Variants in GPSM2 observed in about 807,000 individuals in gnomAD.
GPSM2 encodes the protein G protein-signaling modulator 2.
A neutral mutation model predicts 78.4 loss-of-function variants in GPSM2; 58 were observed. The ratio of observed to expected loss-of-function variants is 0.74; its 90% CI spans 0.60 to 0.92. The LOEUF is 0.92. GPSM2 is among the 40% of genes least tolerant of loss of function. The pLI is 0.00. For synonymous variants in GPSM2, 224 were observed against 280.2 expected (o/e 0.80, Z 2.00); for missense variants, 700 against 815.5 (o/e 0.86, Z 1.73).
In GPSM2 at chr1:108,931,761, T is replaced by C. The variant is rs1652013564; in HGVS notation, c.*1821T>C. 1 of 261,590 alleles carries C rather than the reference T, an allele frequency of 3.8e-6. No homozygotes were observed. Among genetic ancestry groups the C allele is most frequent in the Non-Finnish European group, 7.1e-6 (1 of 141,328 alleles). 16.2% of individuals were successfully genotyped at this position (261,590 alleles called of 1,614,324 possible). A position where few individuals can be genotyped will look rare whatever the true frequency, so the allele number is the denominator to read the frequency against. ...TGGGGTTCTTATAAGAAAATTCAGT[T>C]AAGACAATATACCAAACCACAACGT... On this transcript the variant is annotated 3_prime_UTR_variant, in exon 15 of 15. Transcript: ENST00000264126.
At chr1:108,881,538 A>G (rs1007890541) in intron 1 of GPSM2, among the ~76,000 whole-genome samples, 1 of 152,224 alleles carries the variant, frequency 6.6e-6, no homozygotes, top group Admixed American at 6.5e-5. Flanking sequence ...CATTATTGCT[A>G]AATTGGCTAG....
chr1:108,911,799 A>AT (rs71069618), intron 10 of GPSM2, among the ~76,000 whole-genome samples: 74,960 of 108,564 alleles, frequency 0.69, 26,870 homozygotes, highest in East Asian at 0.93. Flanking sequence ...TGGGAAGACA[A>AT]TTTTTTTTTT....
At chr1:108,923,401 A>G (rs1262139871) in intron 13 of GPSM2, among the ~76,000 whole-genome samples, 2 of 152,234 alleles carry the variant, frequency 1.3e-5, no homozygotes, top group African/African-American at 4.8e-5. Flanking sequence ...ATTATATATA[A>G]AACGTCAATG....
At chr1:108,915,574 G>A (rs1650143766) in intron 11 of GPSM2, among the ~76,000 whole-genome samples, 1 of 150,208 alleles carries the variant, frequency 6.7e-6, no homozygotes, top group African/African-American at 2.4e-5. Context: ...CTGCAGGCGG[G>A]CACCACCACA....
intron 13 of GPSM2, among the ~76,000 whole-genome samples, chr1:108,923,068 A>G (rs1650848698): frequency 6.6e-6 from 1 of 152,184 alleles, no homozygotes; most frequent in Non-Finnish European, 1.5e-5. Context: ...TCTTGCTGTT[A>G]GCCAAGCTGG....
intron 11 of GPSM2, among the ~76,000 whole-genome samples, chr1:108,917,648 ATATATATATAT>A: frequency 3.4e-5 from 1 of 29,102 alleles, no homozygotes; most frequent in East Asian, 6.2e-4. Context: ...ATATATATAT[ATATATATATAT>A]ATATATAAAT....
Position 108,929,740 on chromosome 1 carries a change from G to C in GPSM2, c.1855G>C (p.Ala619Pro). The C allele has an allele frequency of 6.2e-7, 1 of 1,613,122 alleles. No homozygotes were observed. Among genetic ancestry groups the C allele is most frequent in the South Asian group, 1.1e-5 (1 of 91,058 alleles). ...LDDQRCAPPPATTKGPTVPDE... is the reference protein window; with the variant it reads ...LDDQRCAPPPPTTKGPTVPDE... ...TGATCAAAGATGTGCTCCACCACCT[G>C]CTACCACAAAGGGTCCGACAGTACC... The change falls in exon 15 of 15, where the codon GCT becomes CCT. Residue 619 changes from alanine to proline, a missense_variant. By Grantham distance (27) the Ala-to-Pro change is conservative (BLOSUM62 -1). Transcript: ENST00000264126.
chr1:108,895,775 T>C (rs948627227), intron 2 of GPSM2, among the ~76,000 whole-genome samples: 1 of 152,148 alleles, frequency 6.6e-6, no homozygotes, highest in Non-Finnish European at 1.5e-5. Flanking sequence ...ATAAATGTAA[T>C]GCACTTGAAT....
chr1:108,913,524 T>C (rs186656630), intron 10 of GPSM2, among the ~76,000 whole-genome samples: 1 of 152,334 alleles, frequency 6.6e-6, no homozygotes, highest in East Asian at 1.9e-4. Context: ...TACAGTATGA[T>C]ACCATTTATA....
chr1:108,883,443 T>G (rs1020171723), intron 1 of GPSM2, among the ~76,000 whole-genome samples: 1 of 152,176 alleles, frequency 6.6e-6, no homozygotes, highest in Non-Finnish European at 1.5e-5. Flanking sequence ...TTGCTCAAAG[T>G]ATGGAACGAT....
At chr1:108,903,046 A>G in intron 8 of GPSM2, 80 bp from the exon 9 acceptor site, 1 of 812,222 alleles carries the variant, frequency 1.2e-6, no homozygotes, top group Non-Finnish European at 2.1e-6. Context: ...TTATCCCTTT[A>G]GTTCCTGCTA....
chr1:108,914,303 C>T, intron 10 of GPSM2, 35 bp from the exon 11 acceptor site: 6 of 1,430,952 alleles, frequency 4.2e-6, no homozygotes, highest in Non-Finnish European at 4.9e-6. Context: ...TTAAGGGCTC[C>T]CTGGTTTATT....
intron 11 of GPSM2, among the ~76,000 whole-genome samples, chr1:108,917,611 C>CACACACATAT (rs1312607573): frequency 6.6e-4 from 15 of 22,702 alleles, no homozygotes; most frequent in South Asian, 1.2e-3. Context: ...CACACACACA[C>CACACACATAT]ATATATATAT....
chr1:108,922,372 A>G (rs1255853740), intron 12 of GPSM2, 45 bp from the exon 13 acceptor site: 1 of 1,337,848 alleles, frequency 7.5e-7, no homozygotes, highest in South Asian at 1.2e-5. Context: ...TCTAAAGATA[A>G]TACTGGAATA....
chr1:108,924,281 T>C lies in GPSM2; in HGVS notation c.1815+67T>C, dbSNP rs775744090. The C allele has an allele frequency of 4.1e-6, 4 of 974,496 alleles. 1 individual carries two copies. The highest frequency in any genetic ancestry group is 4.1e-4 in the Middle Eastern group (2 of 4,852). The allele number at this position is 974,496 out of a possible 1,614,324, so 60.4% of individuals were successfully genotyped here. On this transcript the variant is annotated intron_variant, in intron 14 of 14. Transcript: ENST00000264126. ...ACCACTGAAAACATTGGTAGTGTTA[T>C]AATTCTCATTCAGGAAGGGCTTATT... is the stretch of plus-strand genomic sequence containing the variant.
chr1:108,931,592 G>T lies in GPSM2; in HGVS notation c.*1652G>T. ...CTCTAATGGCCAATGTTTTTTAAGA[G>T]TCATAACCTGGAATTAATTACATTA... is the stretch of plus-strand genomic sequence containing the variant. On this transcript the variant is annotated 3_prime_UTR_variant, in exon 15 of 15. Coordinates refer to ENST00000264126, the MANE Select transcript of GPSM2 (RefSeq NM_013296.5). 7.7e-7 allele frequency: 1 copy of T among 1,296,866 alleles called. No individual in the cohort carries two copies. Among genetic ancestry groups the T allele is most frequent in the Non-Finnish European group, 1.0e-6 (1 of 987,602 alleles). The allele number at this position is 1,296,866 out of a possible 1,614,324, so 80.3% of individuals were successfully genotyped here.
chr1:108,896,758 C>G (rs536067173), intron 2 of GPSM2, 106 bp from the exon 3 acceptor site: 1 of 860,650 alleles, frequency 1.2e-6, no homozygotes, highest in African/African-American at 1.7e-5. Flanking sequence ...ATAGAGGCAG[C>G]TGCCCTGAAC....
chr1:108,884,226 G>A (rs142928913), intron 1 of GPSM2, among the ~76,000 whole-genome samples: 5,246 of 152,238 alleles, frequency 0.034, 103 homozygotes, highest in Middle Eastern at 0.068. Flanking sequence ...ACAGGCATGA[G>A]CCATTGCACC....
intron 10 of GPSM2, among the ~76,000 whole-genome samples, chr1:108,910,650 G>A (rs951501007): frequency 6.6e-6 from 1 of 152,014 alleles, no homozygotes; most frequent in Admixed American, 6.6e-5. Flanking sequence ...GGATCATGAG[G>A]TCAGGAGTTC....
Sources: allele counts gnomAD v4.1 joint callset (sites outside exome capture counted in the v4.1 genomes callset), GRCh38; gene constraint gnomAD v4.1.1; transcripts MANE v1.5; gene names NCBI Gene and HGNC (gene_info 2026-07-23, HGNC 2026-07-21).